TCERG1L: variants seen among roughly 807,000 people sequenced by gnomAD.
TCERG1L encodes transcription elongation regulator 1-like protein.
Under a neutral mutation model 56.3 loss-of-function variants are expected in TCERG1L, and 37 were observed. That is an observed-to-expected ratio of 0.66 (90% CI 0.51 to 0.87). TCERG1L has a LOEUF of 0.87. Ranked by LOEUF, TCERG1L falls within the 40% of genes least tolerant of loss-of-function variation. The pLI is 0.00. For synonymous variants in TCERG1L, 324 were observed against 326.3 expected, an observed-to-expected ratio of 0.99 and a Z score of 0.08; for missense variants, 799 against 774.2, an observed-to-expected ratio of 1.03 and a Z score of -0.38.
At chr10:131,211,733 G>C (rs76513080) in intron 4 of TCERG1L, among the ~76,000 whole-genome samples, 6,725 of 152,222 alleles carry the variant, frequency 0.044, 394 homozygotes, top group African/African-American at 0.14. Flanking sequence ...CGGTGGACTC[G>C]GGCCTGAGAA....
intron 3 of TCERG1L, among the ~76,000 whole-genome samples, chr10:131,270,272 G>A (rs956167835): frequency 1.3e-4 from 20 of 152,204 alleles, no homozygotes; most frequent in African/African-American, 4.8e-4. Context: ...CCAGAGCCTG[G>A]GGACGCTAGC....
rs376560451 is a variant in TCERG1L at position 131,116,868 on chromosome 10, C to T, written c.1326G>A (p.Pro442=). The change falls in exon 9 of 12, where the codon CCG becomes CCA. Residue 442 remains proline (P), a synonymous_variant. Coordinates refer to ENST00000368642, the MANE Select transcript of TCERG1L (RefSeq NM_174937.4). ...CCAGAGGCAGGAGGATCTGCGGGGG[C>T]GGCGTCCTTGTGCCTTTGTCCTCTC... is the stretch of plus-strand genomic sequence containing the variant. ...AKREDKGTRT[P]PPQILLPLEE... 2.2e-4 allele frequency: 356 copies of T among 1,591,678 alleles called. 1 individual carries two copies. The highest frequency in any genetic ancestry group is 1.8e-3 in the South Asian group (157 of 87,384).
chr10:131,204,731 C>A (rs1238376534), intron 4 of TCERG1L, among the ~76,000 whole-genome samples: 1 of 152,264 alleles, frequency 6.6e-6, no homozygotes, highest in Non-Finnish European at 1.5e-5. Flanking sequence ...GCAGAAGACT[C>A]CCTTCAGGGA....
intron 6 of TCERG1L, among the ~76,000 whole-genome samples, chr10:131,147,498 G>A (rs10765041): frequency 8.3e-4 from 126 of 152,130 alleles, no homozygotes; most frequent in Middle Eastern, 3.4e-3. Flanking sequence ...AAGGCCGGCC[G>A]GGGCTCTGGG....
At chr10:131,240,187 T>A (rs1381615466) in intron 4 of TCERG1L, among the ~76,000 whole-genome samples, 1 of 152,158 alleles carries the variant, frequency 6.6e-6, no homozygotes, top group Admixed American at 6.5e-5. Flanking sequence ...AGCCTGATGT[T>A]GTCCTTTTCA....
At chr10:131,100,030 AT>A (rs541475308) in intron 10 of TCERG1L, among the ~76,000 whole-genome samples, 1 of 151,462 alleles carries the variant, frequency 6.6e-6, no homozygotes, top group Non-Finnish European at 1.5e-5. Context: ...CGCCCAGCTA[AT>A]TTTTTTTGTA....
At chr10:131,231,115 T>C (rs1242202184) in intron 4 of TCERG1L, among the ~76,000 whole-genome samples, 1 of 147,840 alleles carries the variant, frequency 6.8e-6, no homozygotes, top group Non-Finnish European at 1.5e-5. Flanking sequence ...CCTGGGTGAA[T>C]TGGCCTCCAA....
chr10:131,148,106 G>A (rs999952097), intron 6 of TCERG1L, among the ~76,000 whole-genome samples: 8 of 152,218 alleles, frequency 5.3e-5, no homozygotes, highest in Admixed American at 2.0e-4. Flanking sequence ...AGACGTCCAC[G>A]TCCTGATCCC....
rs537857943 is a variant in TCERG1L, at chr10:131,270,588, C to A, written c.671-10144G>T. Among the ~76,000 whole-genome samples the A allele has an allele frequency of 1.1e-4, 16 of 152,358 alleles. No homozygotes were observed. The South Asian group carries it at 2.9e-3, about 28-fold the overall frequency. On this transcript the variant is annotated intron_variant, in intron 3 of 11. Coordinates refer to ENST00000368642, the MANE Select transcript of TCERG1L (RefSeq NM_174937.4). Reference sequence around the variant, plus strand: ...GGAGAGGGTGCGGAGCCAACATCTCCAGAAAACCCACATGTGCTTGATGCC... The same window carrying A: ...GGAGAGGGTGCGGAGCCAACATCTCAAGAAAACCCACATGTGCTTGATGCC...
intron 8 of TCERG1L, among the ~76,000 whole-genome samples, chr10:131,127,891 C>G (rs1845579243): frequency 6.6e-6 from 1 of 152,082 alleles, no homozygotes; most frequent in African/African-American, 2.4e-5. Flanking sequence ...ATACCACTAC[C>G]AAGACCACTA....
At chr10:131,115,128 C>A (rs536689322) in intron 9 of TCERG1L, among the ~76,000 whole-genome samples, 1 of 152,384 alleles carries the variant, frequency 6.6e-6, no homozygotes, top group Admixed American at 6.5e-5. Flanking sequence ...GACACTGCCG[C>A]CAGGGCATGT....
chr10:131,206,078 C>T (rs1394771690), intron 4 of TCERG1L, among the ~76,000 whole-genome samples: 3 of 152,240 alleles, frequency 2.0e-5, no homozygotes, highest in Admixed American at 2.0e-4. Flanking sequence ...ATGCTGCAGA[C>T]ACGAAGCCCT....
At chr10:131,201,913 A>G (rs1298357836) in intron 4 of TCERG1L, among the ~76,000 whole-genome samples, 1 of 152,212 alleles carries the variant, frequency 6.6e-6, no homozygotes, top group African/African-American at 2.4e-5. Context: ...AGACGAGGAA[A>G]GAGCCAATGA....
intron 4 of TCERG1L, among the ~76,000 whole-genome samples, chr10:131,183,646 G>A (rs11017807): frequency 0.2 from 30,008 of 151,942 alleles, 3,719 homozygotes; most frequent in East Asian, 0.33. Context: ...ACAGTTTTAT[G>A]CACCCGCTCT....
Position 131,291,401 on chromosome 10 carries a change from C to CTTTTTTTTTTTTTTT in TCERG1L, c.670+16795_670+16809dup, listed in dbSNP as rs71009957. Among the ~76,000 whole-genome samples the CTTTTTTTTTTTTTTT allele has an allele frequency of 8.5e-4, 31 of 36,594 alleles. 9 individuals are homozygous for CTTTTTTTTTTTTTTT. Among genetic ancestry groups the CTTTTTTTTTTTTTTT allele is most frequent in the East Asian group, 2.2e-3 (2 of 908 alleles). The allele number at this position is 36,594 out of a possible 152,430, so 24.0% of individuals were successfully genotyped here. Reference sequence around the variant, plus strand: ...TGTGTATATTCCATAAACAGCATTTCTTTTTTTTTTTTTTTTTTTTTTTTT... The same window carrying CTTTTTTTTTTTTTTT: ...TGTGTATATTCCATAAACAGCATTTCTTTTTTTTTTTTTTTTTTTTTTTTTTTTTTTTTTTTTTTT... On this transcript the variant is annotated intron_variant, in intron 3 of 11. Coordinates refer to ENST00000368642, the MANE Select transcript of TCERG1L (RefSeq NM_174937.4).
Position 131,110,126 on chromosome 10 carries a change from C to G in TCERG1L, c.1396-5772G>C, listed in dbSNP as rs1891788. On this transcript the variant is annotated intron_variant, in intron 9 of 11. Transcript: ENST00000368642. The stretch of plus-strand genomic sequence containing the variant: ...TGCACCTTCTTCACAGCCAAGGGAA[C>G]TGGACTGTCCCTTTCACAGCGGTTT... Among the ~76,000 whole-genome samples the G allele has an allele frequency of 4.7e-3, 709 of 152,336 alleles. 26 individuals are homozygous for G. The highest frequency in any genetic ancestry group is 0.04 in the Admixed American group (612 of 15,294).
chr10:131,225,297 C>T (rs970731107), intron 4 of TCERG1L, among the ~76,000 whole-genome samples: 16 of 152,300 alleles, frequency 1.1e-4, no homozygotes, highest in African/African-American at 2.9e-4. Context: ...AGAGAAGAGA[C>T]GCACAGCCCT....
intron 7 of TCERG1L, among the ~76,000 whole-genome samples, chr10:131,139,931 C>A (rs1424716231): frequency 6.6e-6 from 1 of 152,136 alleles, no homozygotes; most frequent in African/African-American, 2.4e-5. Flanking sequence ...ATGTGGCTGG[C>A]TGCATCAGGT....
chr10:131,177,424 G>C (rs1278097471), intron 4 of TCERG1L, among the ~76,000 whole-genome samples: 1 of 152,234 alleles, frequency 6.6e-6, no homozygotes, highest in African/African-American at 2.4e-5. Context: ...ATACATGTAC[G>C]TAAACGTGAA....
Sources: gnomAD v4.1 joint callset for allele counts (sites outside exome capture counted in the v4.1 genomes callset) on GRCh38, gnomAD v4.1.1 for gene constraint, MANE v1.5 for transcripts, NCBI Gene and HGNC (gene_info 2026-07-23, HGNC 2026-07-21) for gene names.